Variants in MAML2 observed in about 807,000 individuals in gnomAD.
The protein encoded by MAML2 is mastermind like transcriptional coactivator 2.
MAML2 carries 22 observed loss-of-function variants against 96.1 expected under a neutral mutation model. The ratio of observed to expected loss-of-function variants is 0.23; its 90% CI spans 0.16 to 0.33. The LOEUF is 0.33. MAML2 is among the 10% of genes least tolerant of loss of function. MAML2 has a pLI of 1.00. For synonymous variants in MAML2, 561 were observed against 521.3 expected (o/e 1.08, Z -1.04); for missense variants, 1,367 against 1,392.4 (o/e 0.98, Z 0.29).
intron 2 of MAML2, among the ~76,000 whole-genome samples, chr11:96,002,691 G>A (rs1591085298): frequency 1.4e-5 from 1 of 70,816 alleles, no homozygotes; most frequent in Admixed American, 1.6e-4. Flanking sequence ...GGGATGGTGG[G>A]GAGCATGATG....
At chr11:96,104,210 C>G (rs952450786) in intron 1 of MAML2, among the ~76,000 whole-genome samples, 2 of 152,130 alleles carry the variant, frequency 1.3e-5, no homozygotes, top group African/African-American at 4.8e-5. Context: ...GAAAGGGAAG[C>G]CTGAGTCACA....
chr11:96,123,116 TTC>T (rs1860378434), intron 1 of MAML2, among the ~76,000 whole-genome samples: 1 of 152,190 alleles, frequency 6.6e-6, no homozygotes, highest in African/African-American at 2.4e-5. Context: ...CCATGTCTGT[TTC>T]TCTCACACTG....
At chr11:96,338,908 G>C (rs1479441744) in intron 1 of MAML2, among the ~76,000 whole-genome samples, 1 of 152,116 alleles carries the variant, frequency 6.6e-6, no homozygotes, top group Non-Finnish European at 1.5e-5. Flanking sequence ...CAATGTAATG[G>C]GCTTGGTGAA....
intron 1 of MAML2, among the ~76,000 whole-genome samples, chr11:96,135,696 A>AT (rs1431941154): frequency 6.6e-6 from 1 of 151,846 alleles, no homozygotes; most frequent in African/African-American, 2.4e-5. Flanking sequence ...AAAAATTGGC[A>AT]TTTTTTTCCT....
intron 2 of MAML2, among the ~76,000 whole-genome samples, chr11:96,002,749 T>TGAGGAG (rs1565186407): frequency 4.2e-4 from 58 of 138,566 alleles, no homozygotes; most frequent in African/African-American, 1.5e-3. Flanking sequence ...ATGATCGGGA[T>TGAGGAG]GATGAGGAGG....
chr11:96,095,666 T>C (rs1457952725), intron 1 of MAML2, among the ~76,000 whole-genome samples: 1 of 152,194 alleles, frequency 6.6e-6, no homozygotes, highest in Non-Finnish European at 1.5e-5. Context: ...CGGGGGCTTG[T>C]TTCCAATCCC....
At chr11:96,157,456 G>T (rs117446415) in intron 1 of MAML2, among the ~76,000 whole-genome samples, 2,313 of 152,358 alleles carry the variant, frequency 0.015, 27 homozygotes, top group Middle Eastern at 0.058. Context: ...ATTATGGAAC[G>T]TCATGGGACT....
At chr11:96,331,141 T>C (rs1863848422) in intron 1 of MAML2, among the ~76,000 whole-genome samples, 1 of 152,014 alleles carries the variant, frequency 6.6e-6, no homozygotes, top group Non-Finnish European at 1.5e-5. Context: ...GGTGGTGGTG[T>C]GCACCTGCAG....
chr11:96,167,275 A>G (rs1196812144), intron 1 of MAML2, among the ~76,000 whole-genome samples: 1 of 152,066 alleles, frequency 6.6e-6, no homozygotes, highest in Non-Finnish European at 1.5e-5. Flanking sequence ...CTCCTTTTCT[A>G]TTCCTGTTGG....
intron 1 of MAML2, among the ~76,000 whole-genome samples, chr11:96,109,452 T>C (rs996342766): frequency 3.9e-5 from 6 of 152,088 alleles, no homozygotes; most frequent in African/African-American, 1.4e-4. Flanking sequence ...AGCCTGAAGA[T>C]GGATGAGGTG....
At chr11:96,053,305 GA>G (rs1398917873) in intron 2 of MAML2, among the ~76,000 whole-genome samples, 4 of 152,284 alleles carry the variant, frequency 2.6e-5, no homozygotes, top group Non-Finnish European at 5.9e-5. Context: ...CTACTCAAAT[GA>G]AAACTCTGTA....
chr11:95,994,176 G>A (rs770436108), intron 2 of MAML2, among the ~76,000 whole-genome samples: 2 of 152,182 alleles, frequency 1.3e-5, no homozygotes, highest in Non-Finnish European at 2.9e-5. Flanking sequence ...GGTCAGGAAG[G>A]TGGAAAGAAG....
chr11:96,155,349 G>A (rs1860992776), intron 1 of MAML2, among the ~76,000 whole-genome samples: 1 of 151,372 alleles, frequency 6.6e-6, no homozygotes, highest in South Asian at 2.1e-4. Flanking sequence ...TGACAGGGCT[G>A]AGAAATATTT....
intron 1 of MAML2, among the ~76,000 whole-genome samples, chr11:96,189,070 T>G (rs1015236907): frequency 8.6e-4 from 83 of 96,322 alleles, no homozygotes; most frequent in African/African-American, 2.9e-3. Flanking sequence ...AACTGTTTTG[T>G]TTTTTTTTTT....
intron 1 of MAML2, among the ~76,000 whole-genome samples, chr11:96,243,655 CTTTT>C (rs11394033): frequency 1.5e-5 from 2 of 135,698 alleles, no homozygotes; most frequent in African/African-American, 2.8e-5. Flanking sequence ...CCTTCTTTTT[CTTTT>C]TTTTTTTTTT....
At chr11:96,015,296 A>G (rs1858327765) in intron 2 of MAML2, among the ~76,000 whole-genome samples, 1 of 152,180 alleles carries the variant, frequency 6.6e-6, no homozygotes, top group African/African-American at 2.4e-5. Context: ...TGCATTTGAT[A>G]TAGGAGTAAT....
intron 1 of MAML2, among the ~76,000 whole-genome samples, chr11:96,198,960 G>A (rs1861771745): frequency 6.6e-6 from 1 of 151,468 alleles, no homozygotes; most frequent in Non-Finnish European, 1.5e-5. Flanking sequence ...CACTTTGGGA[G>A]GCCGAGGCAG....
intron 2 of MAML2, among the ~76,000 whole-genome samples, chr11:96,070,214 C>T (rs940104144): frequency 4.0e-5 from 6 of 151,796 alleles, no homozygotes; most frequent in Admixed American, 6.6e-5. Flanking sequence ...GGCGTGAACC[C>T]GGAAGGCAGA....
chr11:96,190,593 A>G (rs138178929), intron 1 of MAML2, among the ~76,000 whole-genome samples: 115 of 152,366 alleles, frequency 7.5e-4, no homozygotes, highest in African/African-American at 2.7e-3. Flanking sequence ...AAATTTATCA[A>G]TTACCTGGAA....
Sources: gnomAD v4.1 joint callset for allele counts (sites outside exome capture counted in the v4.1 genomes callset) on GRCh38, gnomAD v4.1.1 for gene constraint, MANE v1.5 for transcripts, NCBI Gene and HGNC (gene_info 2026-07-23, HGNC 2026-07-21) for gene names.